The following LRCH2 variants were observed in gnomAD, a reference collection of about 807,000 sequenced individuals.
LRCH2 encodes the protein leucine rich repeats and calponin homology domain containing 2.
In LRCH2, 38 loss-of-function variants were observed where a neutral mutation model predicts 68.9. The ratio of observed to expected loss-of-function variants is 0.55; its 90% CI spans 0.43 to 0.72. The LOEUF is 0.72. LRCH2 is among the 30% of genes least tolerant of loss of function. The pLI is 0.00. For missense variants in LRCH2, 528 were observed against 572.9 expected, an observed-to-expected ratio of 0.92 and a Z score of 0.80; for synonymous variants, 191 against 208.1, an observed-to-expected ratio of 0.92 and a Z score of 0.71.
chrX:115,180,311 A>G (rs1343962218), intron 3 of LRCH2, among the ~76,000 whole-genome samples: 2 of 111,348 alleles, frequency 1.8e-5, no homozygotes, highest in Non-Finnish European at 3.8e-5. Flanking sequence ...AAGACATTCT[A>G]AGAGATCTGA....
chrX:115,219,241 A>T (rs1180173481), intron 1 of LRCH2, among the ~76,000 whole-genome samples: 1 of 111,852 alleles, frequency 8.9e-6, no homozygotes, highest in Non-Finnish European at 1.9e-5. Flanking sequence ...ATTTATTCAG[A>T]TTAAGACTAA....
intron 20 of LRCH2, among the ~76,000 whole-genome samples, chrX:115,117,389 T>C (rs1244641618): frequency 8.9e-6 from 1 of 111,829 alleles, no homozygotes; most frequent in Non-Finnish European, 1.9e-5. Context: ...ATGTAGTTTC[T>C]TAAAATGTTA....
chrX:115,188,455 G>A, intron 1 of LRCH2, 85 bp from the exon 2 acceptor site: 1 of 662,514 alleles, frequency 1.5e-6, no homozygotes, highest in African/African-American at 2.2e-5. Flanking sequence ...GAATCACTTA[G>A]AATCTAAGCA....
intron 1 of LRCH2, chrX:115,189,697 A>G: frequency 8.6e-7 from 1 of 1,168,157 alleles, no homozygotes; most frequent in Non-Finnish European, 1.1e-6. Context: ...CCAGACCATC[A>G]AACCGGCATT....
chrX:115,131,602 A>G (rs1204492693), intron 14 of LRCH2, among the ~76,000 whole-genome samples: 86 of 111,727 alleles, frequency 7.7e-4, no homozygotes, highest in Non-Finnish European at 1.2e-3. Flanking sequence ...ATGATTTATA[A>G]TCCTTTGGGT....
At chrX:115,131,142 G>C (rs1279995442) in intron 14 of LRCH2, among the ~76,000 whole-genome samples, 64 of 109,752 alleles carry the variant, frequency 5.8e-4, no homozygotes, top group Non-Finnish European at 1.9e-4. Flanking sequence ...TTAAGTTCTA[G>C]GGTACTTGTG....
At chrX:115,223,443 A>T (rs1446354785) in intron 1 of LRCH2, among the ~76,000 whole-genome samples, 2 of 15,777 alleles carry the variant, frequency 1.3e-4, no homozygotes, top group African/African-American at 1.9e-4. Flanking sequence ...TTGAATATAG[A>T]ATTTTTTTTT....
At chrX:115,114,822 A>C (rs1242325129) in intron 20 of LRCH2, among the ~76,000 whole-genome samples, 1 of 111,008 alleles carries the variant, frequency 9.0e-6, no homozygotes, top group Non-Finnish European at 1.9e-5. Context: ...AACACACACA[A>C]AAAAACTATT....
chrX:115,225,025 T>C (rs1556575784), intron 1 of LRCH2, among the ~76,000 whole-genome samples: 1 of 112,140 alleles, frequency 8.9e-6, no homozygotes, highest in African/African-American at 3.2e-5. Context: ...CTTCTAGGCC[T>C]CTCTGAGCCT....
At chrX:115,162,664 C>T (rs2072528960) in intron 11 of LRCH2, among the ~76,000 whole-genome samples, 2 of 111,500 alleles carry the variant, frequency 1.8e-5, no homozygotes, top group South Asian at 3.7e-4. Context: ...TAGATTGCCC[C>T]TAAAAAGTGG....
At chrX:115,209,412 G>A (rs1556569286) in intron 1 of LRCH2, among the ~76,000 whole-genome samples, 1 of 111,796 alleles carries the variant, frequency 8.9e-6, no homozygotes, top group Non-Finnish European at 1.9e-5. Context: ...TTTTAAAAAG[G>A]GGAGGTTCCC....
intron 5 of LRCH2, among the ~76,000 whole-genome samples, chrX:115,174,775 T>C (rs1418091343): frequency 1.8e-5 from 2 of 111,571 alleles, no homozygotes; most frequent in Non-Finnish European, 3.8e-5. Flanking sequence ...AAGGAATGTA[T>C]ACTTGGTTTT....
intron 1 of LRCH2, among the ~76,000 whole-genome samples, chrX:115,196,676 C>T (rs192987630): frequency 8.1e-4 from 90 of 111,679 alleles, no homozygotes; most frequent in African/African-American, 2.9e-3. Flanking sequence ...TTTGCACAGC[C>T]TGTTGCAACC....
rs2073046442 is a variant in LRCH2 at position 115,217,091 on chromosome X, T to C, written c.349+16602A>G. 5.4e-5 allele frequency among the ~76,000 whole-genome samples: 6 copies of C among 111,435 alleles called. No individual in the cohort carries two copies. In the Admixed American group the frequency reaches 5.7e-4, roughly 11 times the overall value. ...CCTGAGACTCAGAAATGTAGGAAGG[T>C]AGGAGCGGGTTGAGGGGTGAGAAAC... is the stretch of plus-strand genomic sequence containing the variant. On this transcript the variant is annotated intron_variant, in intron 1 of 20. Transcript: ENST00000317135.
intron 1 of LRCH2, among the ~76,000 whole-genome samples, chrX:115,208,149 T>C (rs2147350204): frequency 8.9e-6 from 1 of 112,486 alleles, no homozygotes; most frequent in African/African-American, 3.2e-5. Context: ...ATTAAGTTTG[T>C]GATAATTTGT....
rs199745174 is a variant in LRCH2 at position 115,190,042 on chromosome X, G to A, written c.350-1672C>T. 3.5e-5 allele frequency: 40 copies of A among 1,153,864 alleles called. No homozygotes were observed. The East Asian group carries it at 6.2e-4, about 18-fold the overall frequency. ...AGGCTTGCAGCCACGGCGCTGGGCC[G>A]GCCCACCCCACAAGAGGGCTGTGCC... is the stretch of plus-strand genomic sequence containing the variant. On this transcript the variant is annotated intron_variant, in intron 1 of 20. Coordinates refer to ENST00000317135, the MANE Select transcript of LRCH2 (RefSeq NM_020871.4).
intron 14 of LRCH2, among the ~76,000 whole-genome samples, chrX:115,143,430 T>C (rs2072355987): frequency 9.0e-6 from 1 of 111,337 alleles, no homozygotes; most frequent in Non-Finnish European, 1.9e-5. Flanking sequence ...AATTGGATCA[T>C]GAAGAAATCC....
chrX:115,186,695 C>T (rs1441641794), intron 2 of LRCH2, among the ~76,000 whole-genome samples: 1 of 110,833 alleles, frequency 9.0e-6, no homozygotes, highest in African/African-American at 3.3e-5. Flanking sequence ...AAAGACAAAA[C>T]TTAAAAATAC....
intron 14 of LRCH2, among the ~76,000 whole-genome samples, chrX:115,148,940 C>CGTAT (rs2072410495): frequency 9.0e-6 from 1 of 111,600 alleles, no homozygotes; most frequent in Admixed American, 9.6e-5. Flanking sequence ...AACAAATGTG[C>CGTAT]ATACAGACCT....
Sources: gnomAD v4.1 joint callset for allele counts (sites outside exome capture counted in the v4.1 genomes callset) on GRCh38, gnomAD v4.1.1 for gene constraint, MANE v1.5 for transcripts, NCBI Gene and HGNC (gene_info 2026-07-23, HGNC 2026-07-21) for gene names.